SMOC2: variants seen among roughly 807,000 people sequenced by gnomAD.
SMOC2 encodes the protein SPARC related modular calcium binding 2.
In SMOC2, 39 loss-of-function variants were observed where a neutral mutation model predicts 61.4. The observed-to-expected ratio is 0.64, with a 90% CI of 0.49 to 0.83. SMOC2 has a LOEUF of 0.83. Among genes scored for constraint, SMOC2 ranks in the 40% least tolerant of loss-of-function variants. The probability of loss-of-function intolerance (pLI) is 0.00; values close to 1 mark genes in which losing one functional copy is unlikely to be tolerated. For synonymous variants in SMOC2, 247 were observed against 239.9 expected, an observed-to-expected ratio of 1.03 and a Z score of -0.27; for missense variants, 556 against 592.9, an observed-to-expected ratio of 0.94 and a Z score of 0.65.
At chr6:168,625,039 CAG>C (rs761914961) in intron 9 of SMOC2, among the ~76,000 whole-genome samples, 24 of 152,182 alleles carry the variant, frequency 1.6e-4, no homozygotes, top group Non-Finnish European at 2.1e-4. Context: ...CCAAAATGAA[CAG>C]AGTGATGTGG....
Position 168,626,749 on chromosome 6 carries a change from G to A in SMOC2, c.907+18510G>A, listed in dbSNP as rs552636047. On this transcript the variant is annotated intron_variant, in intron 9 of 12. Coordinates refer to ENST00000356284, the MANE Select transcript of SMOC2 (RefSeq NM_001166412.2). ...ACGGCCTGTGTATCTTGGAGAGTGC[G>A]CCAGGAAGTGGCATCACTCAGATTC... Among the ~76,000 whole-genome samples, 7 of 152,310 alleles carry A rather than the reference G, an allele frequency of 4.6e-5. No homozygotes were observed. The East Asian group carries it at 7.7e-4, about 17-fold the overall frequency.
At chr6:168,586,284 A>G (rs972672495) in intron 7 of SMOC2, among the ~76,000 whole-genome samples, 2 of 152,266 alleles carry the variant, frequency 1.3e-5, no homozygotes, top group African/African-American at 4.8e-5. Context: ...ATCAAATATC[A>G]ATTGAACATA....
chr6:168,666,381 C>T, intron 12 of SMOC2, 40 bp from the exon 13 acceptor site: 1 of 1,613,270 alleles, frequency 6.2e-7, no homozygotes, highest in Non-Finnish European at 8.5e-7. Flanking sequence ...CGACACACAC[C>T]TCTGAATATA....
intron 7 of SMOC2, among the ~76,000 whole-genome samples, chr6:168,558,422 C>G (rs1784299924): frequency 6.6e-6 from 1 of 152,178 alleles, no homozygotes; most frequent in Admixed American, 6.5e-5. Context: ...CCCCCTGGAA[C>G]CTTTCTTCCC....
chr6:168,628,401 T>A (rs1370413984), intron 9 of SMOC2, among the ~76,000 whole-genome samples: 1 of 152,174 alleles, frequency 6.6e-6, no homozygotes, highest in Non-Finnish European at 1.5e-5. Context: ...GTGAAACACT[T>A]CGTTCCAAAA....
intron 1 of SMOC2, among the ~76,000 whole-genome samples, chr6:168,464,155 C>T (rs546274817): frequency 1.6e-4 from 22 of 139,224 alleles, no homozygotes; most frequent in African/African-American, 5.8e-4. Context: ...CATGCCACTG[C>T]ACTCCATCCT....
At chr6:168,614,443 C>T (rs1785993603) in intron 9 of SMOC2, among the ~76,000 whole-genome samples, 2 of 68,712 alleles carry the variant, frequency 2.9e-5, no homozygotes, top group South Asian at 1.1e-3. Context: ...CTCTTCACAC[C>T]TACAGCCAGC....
At chr6:168,642,569 A>G (rs1786920211) in intron 9 of SMOC2, among the ~76,000 whole-genome samples, 1 of 152,160 alleles carries the variant, frequency 6.6e-6, no homozygotes, top group South Asian at 2.1e-4. Context: ...TCGTGAGGAA[A>G]CTGCATCTGT....
chr6:168,612,873 C>T (rs1286672854), intron 9 of SMOC2, among the ~76,000 whole-genome samples: 1 of 152,210 alleles, frequency 6.6e-6, no homozygotes, highest in Non-Finnish European at 1.5e-5. Context: ...AGGGCAGGAG[C>T]ATCGGCCAAG....
intron 3 of SMOC2, 34 bp downstream of exon 3, chr6:168,526,486 T>A: frequency 6.4e-7 from 1 of 1,567,340 alleles, no homozygotes; most frequent in Non-Finnish European, 8.8e-7. Context: ...TCTGCACCTG[T>A]GCGATTAGGG....
intron 7 of SMOC2, among the ~76,000 whole-genome samples, chr6:168,560,555 C>A (rs186703059): frequency 7.5e-6 from 1 of 132,736 alleles, no homozygotes; most frequent in South Asian, 2.5e-4. Context: ...TGCCCTGAGA[C>A]ACGAGGCTCT....
At chr6:168,492,168 T>C (rs1782484732) in intron 1 of SMOC2, among the ~76,000 whole-genome samples, 1 of 152,194 alleles carries the variant, frequency 6.6e-6, no homozygotes, top group Admixed American at 6.5e-5. Context: ...AGGAAAAATA[T>C]AGGACTTACC....
chr6:168,504,111 G>A (rs985390234), intron 1 of SMOC2, among the ~76,000 whole-genome samples: 10 of 152,050 alleles, frequency 6.6e-5, no homozygotes, highest in Non-Finnish European at 1.2e-4. Flanking sequence ...ACACATCCAC[G>A]TCTGTGGATT....
At chr6:168,467,183 G>A (rs893641193) in intron 1 of SMOC2, among the ~76,000 whole-genome samples, 1 of 99,680 alleles carries the variant, frequency 1.0e-5, no homozygotes, top group African/African-American at 3.6e-5. Context: ...ACACACACAC[G>A]TTTATTTCGA....
At chr6:168,576,776 C>G (rs1325331478) in intron 7 of SMOC2, among the ~76,000 whole-genome samples, 3 of 152,032 alleles carry the variant, frequency 2.0e-5, no homozygotes, top group African/African-American at 7.3e-5. Flanking sequence ...GTGTCGTGAT[C>G]GTGTTCAGGG....
chr6:168,644,712 C>T (rs1440107358), intron 9 of SMOC2, among the ~76,000 whole-genome samples: 5 of 135,296 alleles, frequency 3.7e-5, no homozygotes, highest in Admixed American at 3.6e-4. Context: ...TGCAGTGGTA[C>T]GATCGCAGCT....
intron 7 of SMOC2, among the ~76,000 whole-genome samples, chr6:168,565,196 A>G (rs546360166): frequency 6.6e-6 from 1 of 152,334 alleles, no homozygotes; most frequent in African/African-American, 2.4e-5. Flanking sequence ...GGCTTTCTTT[A>G]AAAATCAAAT....
chr6:168,546,561 G>A (rs887369625), intron 5 of SMOC2, among the ~76,000 whole-genome samples: 2 of 151,922 alleles, frequency 1.3e-5, no homozygotes, highest in African/African-American at 2.4e-5. Context: ...CCTCCACCCC[G>A]TGCCCCACTC....
chr6:168,460,499 A>G (rs1781696628), intron 1 of SMOC2, among the ~76,000 whole-genome samples: 1 of 152,162 alleles, frequency 6.6e-6, no homozygotes, highest in African/African-American at 2.4e-5. Context: ...AAAGAAAACT[A>G]GTCTATTTTC....
Sources: gnomAD v4.1 joint callset for allele counts (sites outside exome capture counted in the v4.1 genomes callset) on GRCh38, gnomAD v4.1.1 for gene constraint, MANE v1.5 for transcripts, NCBI Gene and HGNC (gene_info 2026-07-23, HGNC 2026-07-21) for gene names.